Variants in FAT1 observed in about 807,000 individuals in gnomAD.
FAT1 encodes the protein protocadherin Fat 1.
FAT1 carries 171 observed loss-of-function variants against 329.8 expected under a neutral mutation model. The observed-to-expected ratio is 0.52, with a 90% CI of 0.46 to 0.59. The LOEUF is 0.59. FAT1 is among the 20% of genes least tolerant of loss of function. The probability of loss-of-function intolerance (pLI) is 0.00; values close to 1 mark genes in which losing one functional copy is unlikely to be tolerated. For missense variants in FAT1, 5,672 were observed against 5,774.4 expected, an observed-to-expected ratio of 0.98 and a Z score of 0.57; for synonymous variants, 2,233 against 2,228.6, an observed-to-expected ratio of 1.00 and a Z score of -0.06.
At chr4:186,640,917 G>A (rs1477926072) in intron 3 of FAT1, among the ~76,000 whole-genome samples, 1 of 152,228 alleles carries the variant, frequency 6.6e-6, no homozygotes, top group Admixed American at 6.5e-5. Context: ...TGGAGCCTGT[G>A]TGGCAGGACA....
chr4:186,614,000 T>TA (rs1283692042), intron 12 of FAT1, among the ~76,000 whole-genome samples, 191 bp downstream of exon 12: 10 of 152,220 alleles, frequency 6.6e-5, no homozygotes, highest in East Asian at 1.9e-4. Flanking sequence ...TGCTGTTTTT[T>TA]AAAAAATCTC....
At chr4:186,611,338 T>G in intron 14 of FAT1, 48 bp downstream of exon 14, 2 of 1,533,064 alleles carry the variant, frequency 1.3e-6, no homozygotes, top group East Asian at 2.3e-5. Context: ...GCAAATCTAG[T>G]TTTCTTGGTG....
rs2126514045 is a variant in FAT1 at position 186,620,273 on chromosome 4, C to G, written c.6313G>C (p.Ala2105Pro). 6.2e-7 allele frequency: 1 copy of G among 1,614,040 alleles called. No individual in the cohort carries two copies. Among genetic ancestry groups the G allele is most frequent in the South Asian group, 1.1e-5 (1 of 91,086 alleles). Residue 2105 changes from alanine to proline, a missense_variant, in exon 10 of 27, where the codon GCT (alanine) becomes CCT (proline). This residue lies in a region of FAT1 where 3,966 missense variants were observed against 3,915.2 expected (regional missense o/e 1.01). Coordinates refer to ENST00000441802, the MANE Select transcript of FAT1 (RefSeq NM_005245.4). ...TTTCTGCCACTGTCTCTGTCTACAG[C>G]AGTGACATAGCGAATGACATGGCCC... is the stretch of plus-strand genomic sequence containing the variant. Reference protein sequence around the residue: ...EVGHVIRYVTAVDRDSGRNGE... With the variant: ...EVGHVIRYVTPVDRDSGRNGE...
At chr4:186,608,033 A>T (rs1739229469) in intron 16 of FAT1, among the ~76,000 whole-genome samples, 1 of 152,190 alleles carries the variant, frequency 6.6e-6, no homozygotes, top group Admixed American at 6.5e-5. Context: ...CACATTCATT[A>T]GCCTCTCCCA....
chr4:186,709,048 C>A lies in FAT1; in HGVS notation c.780G>T (p.Val260=). 1 of 1,613,972 alleles carries A rather than the reference C, an allele frequency of 6.2e-7. No individual in the cohort carries two copies. The highest frequency in any genetic ancestry group is 8.5e-7 in the Non-Finnish European group (1 of 1,179,876). The change falls in exon 2 of 27, where the codon GTG becomes GTT. Residue 260 remains valine, a synonymous_variant. Coordinates refer to ENST00000441802, the MANE Select transcript of FAT1 (RefSeq NM_005245.4). Reference sequence around the variant, plus strand: ...TGTCCAGTTCTGATGGTGACAATGTCACTGCTGTTATCACCGGAGCACATT... The same window carrying A: ...TGTCCAGTTCTGATGGTGACAATGTAACTGCTGTTATCACCGGAGCACATT... ...ANECAPVITA[V]TLSPSELDRD... is the part of the protein sequence containing the mutation.
In FAT1 at chr4:186,707,631, C is replaced by T. The variant is rs572735854; in HGVS notation, c.2197G>A (p.Gly733Ser). The T allele has an allele frequency of 6.2e-7, 1 of 1,613,994 alleles. No homozygotes were observed. The highest frequency in any genetic ancestry group is 1.1e-5 in the South Asian group (1 of 91,072). ...GAGTTCATGAAAATTACACTGGAACCCACAGGCTGGTTTTCCTTTACCTGA... is the reference window on the plus strand; with the variant it reads ...GAGTTCATGAAAATTACACTGGAACTCACAGGCTGGTTTTCCTTTACCTGA... ...GIQVKENQPV[G>S]SSVIFMNSTD... Residue 733 changes from glycine (G) to serine (S), a missense_variant, in exon 2 of 27, where the codon GGT (glycine) becomes AGT (serine). Gly to Ser is a moderately conservative substitution (Grantham distance 56, BLOSUM62 0). Coordinates refer to ENST00000441802, the MANE Select transcript of FAT1 (RefSeq NM_005245.4).
Position 186,628,643 on chromosome 4 carries a change from C to A in FAT1, c.4444G>T (p.Asp1482Tyr). 1 of 1,613,208 alleles carries A rather than the reference C, an allele frequency of 6.2e-7. No homozygotes were observed. Among genetic ancestry groups the A allele is most frequent in the Non-Finnish European group, 8.5e-7 (1 of 1,179,646 alleles). ...ATTAGTTTGTTTTTCTCATCCTGAT[C>A]CACAGCACTGATTTGCAAAATTTCT... ...ETEILQISAVDQDEKNKLIYT... is the reference protein window; with the variant it reads ...ETEILQISAVYQDEKNKLIYT... Residue 1482 changes from aspartate to tyrosine, a missense_variant, in exon 8 of 27, where the codon GAT (aspartate) becomes TAT (tyrosine). By Grantham distance (160) the Asp-to-Tyr change is radical. Around this residue, in one of 2 missense-constraint regions of FAT1, gnomAD observed 3,966 missense variants for 3,915.2 expected, o/e 1.01. Coordinates refer to ENST00000441802, the MANE Select transcript of FAT1 (RefSeq NM_005245.4).
chr4:186,617,010 C>T lies in FAT1; in HGVS notation c.9070G>A (p.Glu3024Lys). ...GTAAGGGAAGAGCTGCTTACCTTTT[C>T]ACAAACTGGACTGTTGTCATTTGCA... ...LDANDNSPVC[E>K]KTLYSDTIPE... The change falls in exon 11 of 27, where the codon GAA becomes AAA. Residue 3024 changes from glutamate to lysine, a missense_variant. By Grantham distance (56) the Glu-to-Lys change is moderately conservative. Coordinates refer to ENST00000441802, the MANE Select transcript of FAT1 (RefSeq NM_005245.4). 1 of 1,610,690 alleles carries T rather than the reference C, an allele frequency of 6.2e-7. No individual in the cohort carries two copies. Among genetic ancestry groups the T allele is most frequent in the Non-Finnish European group, 8.5e-7 (1 of 1,178,702 alleles).
intron 1 of FAT1, among the ~76,000 whole-genome samples, chr4:186,723,078 CTCTT>C (rs1201562193): frequency 1.3e-5 from 2 of 152,316 alleles, no homozygotes; most frequent in East Asian, 1.9e-4. Flanking sequence ...GGACCAAAAA[CTCTT>C]TCTTTTAAAA....
chr4:186,712,574 A>G lies in FAT1; in HGVS notation c.-18-2729T>C, dbSNP rs150129425. ...ACAGACAGACAAGTAAACAGAGTATATCCGATGCTGATAATTAAGTGCTAA... is the reference window on the plus strand; with the variant it reads ...ACAGACAGACAAGTAAACAGAGTATGTCCGATGCTGATAATTAAGTGCTAA... On this transcript the variant is annotated intron_variant, in intron 1 of 26. Transcript: ENST00000441802. 2.7e-3 allele frequency among the ~76,000 whole-genome samples: 404 copies of G among 152,356 alleles called. 2 individuals carry two copies. The highest frequency in any genetic ancestry group is 9.2e-3 in the African/African-American group (384 of 41,588).
chr4:186,660,716 T>C (rs1742127586), intron 3 of FAT1, among the ~76,000 whole-genome samples: 1 of 152,164 alleles, frequency 6.6e-6, no homozygotes, highest in Admixed American at 6.5e-5. Flanking sequence ...TTTAGAGTTG[T>C]CAGAATAGAG....
At chr4:186,719,155 C>A (rs1745349021) in intron 1 of FAT1, among the ~76,000 whole-genome samples, 1 of 152,182 alleles carries the variant, frequency 6.6e-6, no homozygotes, top group South Asian at 2.1e-4. Context: ...GCATTTATTA[C>A]CACCCTTAAA....
Position 186,707,483 on chromosome 4 carries a change from C to T in FAT1, c.2345G>A (p.Arg782His), listed in dbSNP as rs199928348. The change falls in exon 2 of 27, where the codon CGT becomes CAT. Residue 782 changes from arginine (R) to histidine (H), a missense_variant. Transcript: ENST00000441802. Reference sequence around the variant, plus strand: ...CAGGGTGTATTTGTCTGTTGTTTCACGGTCAAGAGGAGATAAAATTTTCAG... The same window carrying T: ...CAGGGTGTATTTGTCTGTTGTTTCATGGTCAAGAGGAGATAAAATTTTCAG... ...GMLKILSPLD[R>H]ETTDKYTLNI... 94 of 1,613,984 alleles carry T rather than the reference C, an allele frequency of 5.8e-5. No individual in the cohort carries two copies. The highest frequency in any genetic ancestry group is 1.8e-4 in the East Asian group (8 of 44,882).
rs1346116474 is a variant in FAT1 at position 186,621,093 on chromosome 4, T to C, written c.5493A>G (p.Thr1831=). 6.2e-7 allele frequency: 1 copy of C among 1,613,718 alleles called. No homozygotes were observed. The highest frequency in any genetic ancestry group is 1.1e-5 in the South Asian group (1 of 91,088). ...AIDSSTGAIH[T]VLSLDYEETS... ...TTTCTTCATAGTCCAGACTTAGTACTGTATGAATAGCACCAGTGCTAGAAT... is the reference window on the plus strand; with the variant it reads ...TTTCTTCATAGTCCAGACTTAGTACCGTATGAATAGCACCAGTGCTAGAAT... Residue 1831 remains threonine, a synonymous_variant, in exon 10 of 27, where the codon ACA becomes ACG. Transcript: ENST00000441802.
rs2126703386 is a variant in FAT1, at chr4:186,709,333, C to A, written c.495G>T (p.Arg165Ser). 2 of 1,613,936 alleles carry A rather than the reference C, an allele frequency of 1.2e-6. No homozygotes were observed. Among genetic ancestry groups the A allele is most frequent in the Non-Finnish European group, 1.7e-6 (2 of 1,179,880 alleles). The change falls in exon 2 of 27, where the codon AGG becomes AGT. Residue 165 changes from arginine (R) to serine (S), a missense_variant. Around this residue, in one of 2 missense-constraint regions of FAT1, gnomAD observed 3,966 missense variants for 3,915.2 expected, o/e 1.01. Transcript: ENST00000441802. ...TGGCGCTGACTCTTGCGATACTGGTCCTTATAGCTGTGTTTTCAGGTAAAG... is the reference window on the plus strand; with the variant it reads ...TGGCGCTGACTCTTGCGATACTGGTACTTATAGCTGTGTTTTCAGGTAAAG... ...SVSLPENTAI[R>S]TSIARVSATD...
At chr4:186,709,994 C>A in intron 1 of FAT1, 149 bp from the exon 2 acceptor site, 8 of 689,554 alleles carry the variant, frequency 1.2e-5, no homozygotes, top group East Asian at 6.0e-5. Flanking sequence ...TCATGTTTTC[C>A]AATATAAGTA....
At chr4:186,637,869 G>C (rs569098911) in intron 4 of FAT1, among the ~76,000 whole-genome samples, 1 of 152,298 alleles carries the variant, frequency 6.6e-6, no homozygotes, top group East Asian at 1.9e-4. Flanking sequence ...CCTGTCAAAA[G>C]TATTTAAGTA....
Position 186,617,192 on chromosome 4 carries a change from G to T in FAT1, c.8888C>A (p.Pro2963His). The change falls in exon 11 of 27, where the codon CCT becomes CAT. Residue 2963 changes from proline (P) to histidine (H), a missense_variant. Physicochemically the swap from Pro to His is moderately conservative, Grantham distance 77. Coordinates refer to ENST00000441802, the MANE Select transcript of FAT1 (RefSeq NM_005245.4). ...QVTYFITGGD[P>H]LGQFAVETIQ... ...AGTTTCAACGGCAAACTGTCCTAAA[G>T]GATCCCCTCCTATTAAATCAATGGA... is the stretch of plus-strand genomic sequence containing the variant. 6.3e-7 allele frequency: 1 copy of T among 1,591,856 alleles called. No homozygotes were observed. Among genetic ancestry groups the T allele is most frequent in the Non-Finnish European group, 8.6e-7 (1 of 1,169,458 alleles).
chr4:186,597,009 A>G lies in FAT1; in HGVS notation c.12531T>C (p.Ile4177=). The G allele has an allele frequency of 3.1e-6, 5 of 1,613,930 alleles. No individual in the cohort carries two copies. Among genetic ancestry groups the G allele is most frequent in the Non-Finnish European group, 4.2e-6 (5 of 1,179,874 alleles). Reference sequence around the variant, plus strand: ...CGATTCCAATTCCTTCCGCCAACCCAATGTTCCACGGCGTGGACACATACT... The same window carrying G: ...CGATTCCAATTCCTTCCGCCAACCCGATGTTCCACGGCGTGGACACATACT... ...PNQYVSTPWN[I]GLAEGIGIVV... Residue 4177 remains isoleucine (I), a synonymous_variant, in exon 25 of 27, where the codon ATT becomes ATC. Transcript: ENST00000441802.
Sources: allele counts gnomAD v4.1 joint callset (sites outside exome capture counted in the v4.1 genomes callset), GRCh38; gene constraint gnomAD v4.1.1; regional missense constraint gnomAD v4.1.1; transcripts MANE v1.5; gene names NCBI Gene and HGNC (gene_info 2026-07-23, HGNC 2026-07-21).